Variants in GABRA1 observed in about 807,000 individuals in gnomAD.
The protein encoded by GABRA1 is gamma-aminobutyric acid type A receptor subunit alpha1.
Under a neutral mutation model 48.9 loss-of-function variants are expected in GABRA1, and 9 were observed. The observed-to-expected ratio is 0.18, with a 90% CI of 0.11 to 0.32. The LOEUF (loss-of-function observed/expected upper bound fraction) is 0.32, where lower values mean the gene tolerates loss of function less well. GABRA1 is among the 10% of genes least tolerant of loss of function. The probability of loss-of-function intolerance (pLI) is 1.00; values close to 1 mark genes in which losing one functional copy is unlikely to be tolerated. For missense variants in GABRA1, 285 were observed against 553.8 expected (o/e 0.51, Z 4.87); for synonymous variants, 210 against 198.7 (o/e 1.06, Z -0.48).
intron 6 of GABRA1, among the ~76,000 whole-genome samples, chr5:161,879,411 C>T (rs1754511920): frequency 2.0e-5 from 3 of 152,170 alleles, no homozygotes; most frequent in African/African-American, 7.2e-5. Flanking sequence ...CGTGCCCAGC[C>T]ACCTTGTGGT....
chr5:161,879,103 T>C (rs914596838), intron 6 of GABRA1, among the ~76,000 whole-genome samples: 1 of 152,302 alleles, frequency 6.6e-6, no homozygotes, highest in African/African-American at 2.4e-5. Context: ...TCTTGTCTTT[T>C]TTATTTTATT....
At chr5:161,864,261 G>C (rs1486193378) in intron 3 of GABRA1, among the ~76,000 whole-genome samples, 2 of 151,978 alleles carry the variant, frequency 1.3e-5, no homozygotes, top group African/African-American at 2.4e-5. Context: ...GTGCAGGTTA[G>C]TTACATATGT....
At chr5:161,852,425 C>T (rs1757481175) in intron 2 of GABRA1, among the ~76,000 whole-genome samples, 1 of 151,902 alleles carries the variant, frequency 6.6e-6, no homozygotes, top group Admixed American at 6.6e-5. Flanking sequence ...CTCAGAGTTC[C>T]CGATCAGGGC....
intron 4 of GABRA1, among the ~76,000 whole-genome samples, chr5:161,870,620 A>C (rs1287278899): frequency 6.6e-6 from 1 of 151,184 alleles, no homozygotes; most frequent in African/African-American, 2.4e-5. Flanking sequence ...GAAGAAAGAA[A>C]GACAGACAGA....
intron 3 of GABRA1, among the ~76,000 whole-genome samples, chr5:161,857,658 T>C (rs1283380919): frequency 6.6e-6 from 1 of 151,644 alleles, no homozygotes; most frequent in African/African-American, 2.4e-5. Flanking sequence ...AAATTTAATA[T>C]GGTCTATTTG....
chr5:161,864,550 A>T (rs1757980351), intron 3 of GABRA1, among the ~76,000 whole-genome samples: 1 of 151,978 alleles, frequency 6.6e-6, no homozygotes, highest in African/African-American at 2.4e-5. Context: ...ATAAATTCAA[A>T]GGAATTTATA....
chr5:161,850,524 T>G (rs772779507), intron 1 of GABRA1: 34 of 534,810 alleles, frequency 6.4e-5, no homozygotes, highest in Non-Finnish European at 1.0e-4. Context: ...ACTCACAGTT[T>G]TTATGTTGAG....
chr5:161,887,107 C>T (rs1258792077), intron 7 of GABRA1, among the ~76,000 whole-genome samples: 4 of 152,136 alleles, frequency 2.6e-5, no homozygotes, highest in African/African-American at 9.7e-5. Flanking sequence ...GTGATGACTG[C>T]AAGTTCTCCA....
intron 5 of GABRA1, among the ~76,000 whole-genome samples, chr5:161,874,887 A>G (rs191568693): frequency 6.6e-6 from 1 of 152,142 alleles, no homozygotes; most frequent in East Asian, 1.9e-4. Flanking sequence ...CAATCCAAAA[A>G]AAAACAAAAC....
At chr5:161,871,015 G>C (rs561072941) in intron 4 of GABRA1, among the ~76,000 whole-genome samples, 2 of 148,862 alleles carry the variant, frequency 1.3e-5, no homozygotes, top group East Asian at 4.0e-4. Flanking sequence ...AGTATTTGAA[G>C]GAAGAATGTC....
chr5:161,897,014 G>T (rs985367697), intron 9 of GABRA1, 97 bp from the exon 10 acceptor site: 20 of 1,063,244 alleles, frequency 1.9e-5, no homozygotes, highest in Non-Finnish European at 2.5e-5. Context: ...ATAAGGCACA[G>T]ATTTAGGCTG....
At position 161,859,898 on chromosome 5, in the gene GABRA1, A is replaced by G. The variant is rs76485818; in HGVS notation, c.187+5628A>G. Among the ~76,000 whole-genome samples, 123 of 151,872 alleles carry G rather than the reference A, an allele frequency of 8.1e-4. 1 individual carries two copies. The East Asian group carries it at 0.018, about 23-fold the overall frequency. On this transcript the variant is annotated intron_variant, in intron 3 of 9. Coordinates refer to ENST00000393943, the MANE Select transcript of GABRA1 (RefSeq NM_001127644.2). ...TTGTTGTTTTTGCTGTGTTTACTTTACTAGAGAATAGCCTTTAGTATTATG... is the reference window on the plus strand; with the variant it reads ...TTGTTGTTTTTGCTGTGTTTACTTTGCTAGAGAATAGCCTTTAGTATTATG...
intron 3 of GABRA1, among the ~76,000 whole-genome samples, chr5:161,857,817 A>T (rs999208840): frequency 2.6e-5 from 4 of 151,594 alleles, no homozygotes; most frequent in Admixed American, 6.6e-5. Context: ...ATTCTTGTCC[A>T]TAATCACTTT....
chr5:161,848,801 G>A, intron 1 of GABRA1: 1 of 322,402 alleles, frequency 3.1e-6, no homozygotes, highest in Non-Finnish European at 6.1e-6. Context: ...GCAAGGGGGA[G>A]CTGGGGTGAG....
At chr5:161,891,466 T>A (rs1283808661) in intron 8 of GABRA1, among the ~76,000 whole-genome samples, 28 of 152,202 alleles carry the variant, frequency 1.8e-4, no homozygotes, top group Admixed American at 1.8e-3. Context: ...AGAGCTTCTT[T>A]AAGTAGGGAG....
intron 7 of GABRA1, among the ~76,000 whole-genome samples, chr5:161,885,908 G>A (rs1754823937): frequency 6.6e-6 from 1 of 152,038 alleles, no homozygotes; most frequent in Non-Finnish European, 1.5e-5. Flanking sequence ...TGTCTGACAC[G>A]GTGACTGGGC....
chr5:161,854,146 G>T lies in GABRA1; in HGVS notation c.75-12G>T. The T allele has an allele frequency of 7.2e-7, 1 of 1,390,232 alleles. No individual in the cohort carries two copies. The highest frequency in any genetic ancestry group is 1.0e-6 in the Non-Finnish European group (1 of 979,562). 86.1% of individuals were successfully genotyped at this position (1,390,232 alleles called of 1,614,324 possible). ...TAATTTAGCTATTGCTTCTCTTTAT[G>T]TTTTTTTTCAGCTATGGACAGCCGT... On this transcript the variant is annotated splice_polypyrimidine_tract_variant and intron_variant, in intron 2 of 9. Transcript: ENST00000393943.
At chr5:161,868,676 A>G (rs984353562) in intron 4 of GABRA1, among the ~76,000 whole-genome samples, 1 of 152,142 alleles carries the variant, frequency 6.6e-6, no homozygotes, top group African/African-American at 2.4e-5. Flanking sequence ...CACAGAGTCA[A>G]TGTCCAATAG....
In GABRA1 at chr5:161,897,210, G is replaced by A; in HGVS notation, c.1159G>A (p.Ala387Thr). 6.2e-7 allele frequency: 1 copy of A among 1,614,088 alleles called. No individual in the cohort carries two copies. The highest frequency in any genetic ancestry group is 8.5e-7 in the Non-Finnish European group (1 of 1,180,002). The change falls in exon 10 of 10, where the codon GCC becomes ACC. Residue 387 changes from alanine to threonine, a missense_variant. By Grantham distance (58) the Ala-to-Thr change is moderately conservative. Coordinates refer to ENST00000393943, the MANE Select transcript of GABRA1 (RefSeq NM_001127644.2). ...PNLARGDPGL[A>T]TIAKSATIEP... ...TTTGGCCAGGGGCGACCCGGGCTTA[G>A]CCACCATTGCTAAAAGTGCAACCAT...
Sources: allele counts gnomAD v4.1 joint callset (sites outside exome capture counted in the v4.1 genomes callset), GRCh38; gene constraint gnomAD v4.1.1; transcripts MANE v1.5; gene names NCBI Gene and HGNC (gene_info 2026-07-23, HGNC 2026-07-21).